Variants in ZNF143 observed in about 807,000 individuals in gnomAD.
The protein encoded by ZNF143 is zinc finger protein 143.
In ZNF143, 49 loss-of-function variants were observed where a neutral mutation model predicts 74.1. The ratio of observed to expected loss-of-function variants is 0.66; its 90% confidence interval spans 0.53 to 0.84. ZNF143 has a LOEUF of 0.84. Ranked by LOEUF, ZNF143 falls within the 40% of genes least tolerant of loss-of-function variation. The probability of loss-of-function intolerance (pLI) is 0.00; values close to 1 mark genes in which losing one functional copy is unlikely to be tolerated. For missense variants in ZNF143, 637 were observed against 793.4 expected (o/e 0.80, Z 2.37); for synonymous variants, 304 against 282.8 (o/e 1.07, Z -0.75).
chr11:9,497,655 C>A lies in ZNF143; in HGVS notation c.842-20C>A, dbSNP rs200746952. On this transcript the variant is annotated intron_variant, in intron 9 of 15. Transcript: ENST00000396602. ...AGAGCAGTATTGTGTAATTAAATTT[C>A]TTTTAATTTTTTCTTAAAGGTTATG... is the stretch of plus-strand genomic sequence containing the variant. The A allele has an allele frequency of 5.1e-6, 8 of 1,561,286 alleles. No individual in the cohort carries two copies. The highest frequency in any genetic ancestry group is 1.2e-5 in the South Asian group (1 of 86,580).
intron 6 of ZNF143, 70 bp downstream of exon 6, chr11:9,478,656 AC>A (rs2133916979): frequency 6.5e-7 from 1 of 1,533,836 alleles, no homozygotes; most frequent in East Asian, 2.3e-5. Flanking sequence ...AGAAAAGAAA[AC>A]AAAAAAGTAC....
At position 9,527,676 on chromosome 11, in the gene ZNF143, T is replaced by C; in HGVS notation, c.*63T>C. Reference sequence around the variant, plus strand: ...TTCATCTTCTGGCAGCAGAAATCCATGAAGCCCGGGCCCAGGAAAATTAGA... The same window carrying C: ...TTCATCTTCTGGCAGCAGAAATCCACGAAGCCCGGGCCCAGGAAAATTAGA... On this transcript the variant is annotated 3_prime_UTR_variant, in exon 16 of 16. Transcript: ENST00000396602. 4.6e-6 allele frequency: 7 copies of C among 1,507,536 alleles called. No individual in the cohort carries two copies. The highest frequency in any genetic ancestry group is 6.4e-6 in the Non-Finnish European group (7 of 1,086,282). The allele number at this position is 1,507,536 out of a possible 1,614,324, so 93.4% of individuals were successfully genotyped here.
chr11:9,526,503 G>C (rs1849132399), intron 15 of ZNF143, among the ~76,000 whole-genome samples: 1 of 152,118 alleles, frequency 6.6e-6, no homozygotes, highest in African/African-American at 2.4e-5. Flanking sequence ...GCTTTATGTA[G>C]TTTATGGGTA....
At chr11:9,485,033 G>C (rs1365495643) in intron 7 of ZNF143, among the ~76,000 whole-genome samples, 1 of 149,410 alleles carries the variant, frequency 6.7e-6, no homozygotes. Context: ...TCCTGACCTC[G>C]TGATCTGCCT....
intron 14 of ZNF143, 56 bp from the exon 15 acceptor site, chr11:9,525,184 T>C: frequency 1.9e-6 from 3 of 1,598,442 alleles, no homozygotes; most frequent in Non-Finnish European, 1.7e-6. Flanking sequence ...GACTTTAACC[T>C]ATTTAAATCG....
chr11:9,477,473 T>C (rs749415958), intron 5 of ZNF143, among the ~76,000 whole-genome samples: 8 of 152,212 alleles, frequency 5.3e-5, no homozygotes, highest in South Asian at 4.1e-4. Context: ...GCTAGGATGG[T>C]CTCAATCTCT....
chr11:9,486,615 G>GTT (rs1215552372), intron 7 of ZNF143, among the ~76,000 whole-genome samples: 3 of 143,256 alleles, frequency 2.1e-5, no homozygotes, highest in African/African-American at 8.0e-5. Flanking sequence ...TGCGAAAGAC[G>GTT]TTTGACTCCT....
intron 2 of ZNF143, among the ~76,000 whole-genome samples, chr11:9,471,936 T>C (rs1410220585): frequency 5.8e-4 from 17 of 29,374 alleles, no homozygotes; most frequent in Non-Finnish European, 1.1e-3. Context: ...TTTTCTTTTG[T>C]TTTTTTTTTT....
chr11:9,515,284 G>A (rs796648105), intron 13 of ZNF143, among the ~76,000 whole-genome samples: 14 of 152,242 alleles, frequency 9.2e-5, no homozygotes, highest in African/African-American at 1.7e-4. Context: ...TTGGATTCTC[G>A]TAGAAATTCA....
chr11:9,474,431 C>G, intron 4 of ZNF143, 119 bp from the exon 5 acceptor site: 1 of 979,450 alleles, frequency 1.0e-6, no homozygotes, highest in Non-Finnish European at 1.6e-6. Flanking sequence ...TGTTCAAAGA[C>G]TCATGAAGCA....
At chr11:9,487,664 T>C (rs1360994547) in intron 7 of ZNF143, among the ~76,000 whole-genome samples, 1 of 152,206 alleles carries the variant, frequency 6.6e-6, no homozygotes, top group African/African-American at 2.4e-5. Context: ...GCCAAGGTTA[T>C]GTCTTAATTC....
intron 13 of ZNF143, among the ~76,000 whole-genome samples, chr11:9,514,137 A>G (rs1443561231): frequency 6.6e-6 from 1 of 152,138 alleles, no homozygotes; most frequent in Non-Finnish European, 1.5e-5. Context: ...GCCTCAGGTG[A>G]TCCTCCTGCG....
chr11:9,518,356 C>T (rs1848793186), intron 14 of ZNF143, among the ~76,000 whole-genome samples: 1 of 152,212 alleles, frequency 6.6e-6, no homozygotes, highest in Admixed American at 6.5e-5. Context: ...TATTCATATA[C>T]TGCTAGTGGG....
At chr11:9,510,734 A>T (rs1372675202) in intron 12 of ZNF143, among the ~76,000 whole-genome samples, 3 of 149,686 alleles carry the variant, frequency 2.0e-5, no homozygotes, top group Admixed American at 1.3e-4. Context: ...AGGGGGAAAC[A>T]TTTTTTTTTT....
intron 5 of ZNF143, among the ~76,000 whole-genome samples, chr11:9,475,906 ATATATG>A (rs1039094368): frequency 9.0e-6 from 1 of 111,454 alleles, no homozygotes; most frequent in Non-Finnish European, 2.0e-5. Context: ...TCAAAAAAAT[ATATATG>A]TGTGTGTGTG....
At chr11:9,473,524 A>G (rs1484131371) in intron 3 of ZNF143, among the ~76,000 whole-genome samples, 1 of 152,224 alleles carries the variant, frequency 6.6e-6, no homozygotes, top group Non-Finnish European at 1.5e-5. Flanking sequence ...GCACATGCAT[A>G]CATAAACAGG....
At position 9,512,607 on chromosome 11, in the gene ZNF143, A is replaced by C. The variant is rs1249233024; in HGVS notation, c.1524+11A>C. 4 of 1,612,984 alleles carry C rather than the reference A, an allele frequency of 2.5e-6. No homozygotes were observed. The South Asian group carries it at 4.4e-5, about 18-fold the overall frequency. On this transcript the variant is annotated intron_variant, in intron 13 of 15. Coordinates refer to ENST00000396602, the MANE Select transcript of ZNF143 (RefSeq NM_003442.6). The stretch of plus-strand genomic sequence containing the variant: ...GATGGGACTCAGCATGTAAGTATCC[A>C]CCAAAAGCCAAACAAATTAAATCTT...
At chr11:9,470,676 C>T (rs1856515021) in intron 1 of ZNF143, among the ~76,000 whole-genome samples, 1 of 152,116 alleles carries the variant, frequency 6.6e-6, no homozygotes, top group African/African-American at 2.4e-5. Context: ...TCATTGGCCT[C>T]ATTGATCAGT....
intron 7 of ZNF143, among the ~76,000 whole-genome samples, chr11:9,480,282 G>A (rs1413314164): frequency 6.6e-6 from 1 of 152,160 alleles, no homozygotes; most frequent in African/African-American, 2.4e-5. Flanking sequence ...TGGGATGTTC[G>A]TGTGGAGGGT....
Sources: gnomAD v4.1 joint callset for allele counts (sites outside exome capture counted in the v4.1 genomes callset) on GRCh38, gnomAD v4.1.1 for gene constraint, MANE v1.5 for transcripts, NCBI Gene and HGNC (gene_info 2026-07-23, HGNC 2026-07-21) for gene names.